CSGALNACT1: variants seen among roughly 807,000 people sequenced by gnomAD.
CSGALNACT1 encodes the protein beta4GalNAcT-1.
In CSGALNACT1, 52 loss-of-function variants were observed where a neutral mutation model predicts 51.0. The ratio of observed to expected loss-of-function variants is 1.02; its 90% CI spans 0.82 to 1.29. The LOEUF (loss-of-function observed/expected upper bound fraction) is 1.29, where lower values mean the gene tolerates loss of function less well. Among genes scored for constraint, CSGALNACT1 ranks in the 50% most tolerant of loss-of-function variants. The probability of loss-of-function intolerance (pLI) is 0.00; values close to 1 mark genes in which losing one functional copy is unlikely to be tolerated. For missense variants in CSGALNACT1, 935 were observed against 679.2 expected, an observed-to-expected ratio of 1.38 and a Z score of -4.19; for synonymous variants, 341 against 254.4, an observed-to-expected ratio of 1.34 and a Z score of -3.24.
At chr8:19,534,646 A>G (rs2083405259) in intron 3 of CSGALNACT1, among the ~76,000 whole-genome samples, 1 of 152,170 alleles carries the variant, frequency 6.6e-6, no homozygotes, top group Non-Finnish European at 1.5e-5. Context: ...ATTTCTTGGC[A>G]TGACTAAAAG....
At chr8:19,537,663 C>T (rs2084072008) in intron 3 of CSGALNACT1, among the ~76,000 whole-genome samples, 1 of 152,114 alleles carries the variant, frequency 6.6e-6, no homozygotes, top group South Asian at 2.1e-4. Flanking sequence ...ATTTATAAAC[C>T]CAGTGATCCT....
intron 5 of CSGALNACT1, among the ~76,000 whole-genome samples, chr8:19,441,673 T>A (rs1293036239): frequency 1.3e-5 from 2 of 152,126 alleles, no homozygotes; most frequent in Admixed American, 6.6e-5. Context: ...GGACTTCATG[T>A]CTAAAACACC....
intron 1 of CSGALNACT1, among the ~76,000 whole-genome samples, chr8:19,722,490 G>T (rs1049908252): frequency 3.3e-5 from 5 of 152,188 alleles, no homozygotes; most frequent in Non-Finnish European, 7.3e-5. Flanking sequence ...ATAGGTATTA[G>T]GTTTCAGAGC....
At chr8:19,556,767 T>A (rs1190374724) in intron 3 of CSGALNACT1, among the ~76,000 whole-genome samples, 1 of 152,056 alleles carries the variant, frequency 6.6e-6, no homozygotes, top group Non-Finnish European at 1.5e-5. Context: ...GCACCATGTA[T>A]CTTGAAGCAA....
chr8:19,666,811 G>GAA (rs35734602), intron 1 of CSGALNACT1, among the ~76,000 whole-genome samples: 1,729 of 26,064 alleles, frequency 0.066, 106 homozygotes, highest in Admixed American at 0.077. Flanking sequence ...AAGAAAGAAA[G>GAA]AGAGAGAGAG....
At chr8:19,572,062 G>A (rs1205845169) in intron 3 of CSGALNACT1, among the ~76,000 whole-genome samples, 1 of 152,190 alleles carries the variant, frequency 6.6e-6, no homozygotes, top group Non-Finnish European at 1.5e-5. Context: ...ACCTTCAAGT[G>A]TTTTTCTCAT....
chr8:19,567,103 T>A (rs774267331), intron 3 of CSGALNACT1, among the ~76,000 whole-genome samples: 1 of 152,140 alleles, frequency 6.6e-6, no homozygotes, highest in Non-Finnish European at 1.5e-5. Context: ...TTAGGGCTAA[T>A]GGCAAAACAC....
At chr8:19,405,418 T>A (rs1323170130) in exon 10 of CSGALNACT1, 1 of 471,128 alleles carries the variant, frequency 2.1e-6, no homozygotes, top group Non-Finnish European at 4.2e-6. Flanking sequence ...CCTTTCATGC[T>A]AATGAATTTT....
intron 1 of CSGALNACT1, among the ~76,000 whole-genome samples, chr8:19,698,591 C>A (rs1011532512): frequency 6.6e-6 from 1 of 152,136 alleles, no homozygotes; most frequent in Non-Finnish European, 1.5e-5. Context: ...TCTGGAGGCA[C>A]TACTGATACT....
intron 1 of CSGALNACT1, among the ~76,000 whole-genome samples, chr8:19,728,367 G>T (rs1187515423): frequency 6.6e-6 from 1 of 152,094 alleles, no homozygotes; most frequent in Non-Finnish European, 1.5e-5. Context: ...AAGTGAATAA[G>T]AATGCAGGCT....
intron 1 of CSGALNACT1, among the ~76,000 whole-genome samples, chr8:19,653,029 T>C (rs2057953096): frequency 6.6e-6 from 1 of 152,160 alleles, no homozygotes; most frequent in Non-Finnish European, 1.5e-5. Context: ...GGCATAAGCA[T>C]ACACTTGTAA....
At chr8:19,549,863 T>C (rs2087510715) in intron 3 of CSGALNACT1, among the ~76,000 whole-genome samples, 1 of 152,092 alleles carries the variant, frequency 6.6e-6, no homozygotes, top group East Asian at 1.9e-4. Context: ...AGTACAGCTG[T>C]ATTTCTTCTA....
chr8:19,546,978 G>A (rs188875786), intron 3 of CSGALNACT1, among the ~76,000 whole-genome samples: 2 of 152,350 alleles, frequency 1.3e-5, no homozygotes, highest in East Asian at 1.9e-4. Context: ...TCCATCAGAT[G>A]CGTCTTCTCT....
At chr8:19,566,231 G>T (rs1241077055) in intron 3 of CSGALNACT1, among the ~76,000 whole-genome samples, 2 of 152,192 alleles carry the variant, frequency 1.3e-5, no homozygotes, top group South Asian at 4.1e-4. Context: ...GGCAGAGGGA[G>T]TTTTGACACA....
At position 19,420,591 on chromosome 8, in the gene CSGALNACT1, C is replaced by G. The variant is rs975769373; in HGVS notation, c.954-73G>C. The stretch of plus-strand genomic sequence containing the variant: ...AGCATCCCCTGAGAAAATATGTAAT[C>G]AGGGCCCATCCACATCTTGACCCAT... On this transcript the variant is annotated intron_variant, in intron 6 of 9. Coordinates refer to ENST00000454498, the Ensembl canonical transcript of CSGALNACT1. 1.2e-4 allele frequency: 182 copies of G among 1,467,518 alleles called. 1 individual carries two copies. The highest frequency in any genetic ancestry group is 3.6e-5 in the Non-Finnish European group (38 of 1,048,594). The allele number at this position is 1,467,518 out of a possible 1,614,324, so 90.9% of individuals were successfully genotyped here. A position where few individuals can be genotyped will look rare whatever the true frequency, so the allele number is the denominator to read the frequency against.
chr8:19,493,871 TACACACACACACAC>T (rs57708862), intron 4 of CSGALNACT1, among the ~76,000 whole-genome samples: 9 of 149,084 alleles, frequency 6.0e-5, no homozygotes, highest in South Asian at 2.2e-4. Flanking sequence ...TGTGTGTTTA[TACACACACACACAC>T]ACACACACAC....
At chr8:19,438,412 A>G (rs890515177) in intron 6 of CSGALNACT1, among the ~76,000 whole-genome samples, 2 of 152,216 alleles carry the variant, frequency 1.3e-5, no homozygotes, top group Non-Finnish European at 2.9e-5. Context: ...TTCTAAGCAG[A>G]GGTGAGAACA....
intron 1 of CSGALNACT1, among the ~76,000 whole-genome samples, chr8:19,612,946 GAAAAAAAAAAAA>G (rs1165754811): frequency 1.6e-3 from 24 of 15,444 alleles, no homozygotes; most frequent in East Asian, 8.7e-3. Context: ...AAAGCAGCTG[GAAAAAAAAAAAA>G]AAAAAAAAAA....
At chr8:19,447,957 C>A (rs2062425270) in intron 5 of CSGALNACT1, among the ~76,000 whole-genome samples, 1 of 152,172 alleles carries the variant, frequency 6.6e-6, no homozygotes. Context: ...GATAGACATG[C>A]TGGTGGTGGG....
Sources: allele counts gnomAD v4.1 joint callset (sites outside exome capture counted in the v4.1 genomes callset), GRCh38; gene constraint gnomAD v4.1.1; transcripts MANE v1.5; gene names NCBI Gene and HGNC (gene_info 2026-07-23, HGNC 2026-07-21).